Variants in GPHN observed in about 807,000 individuals in gnomAD.
The protein encoded by GPHN is gephyrin.
In GPHN, 17 loss-of-function variants were observed where a neutral mutation model predicts 95.5. That is an observed-to-expected ratio of 0.18 (90% CI 0.12 to 0.27). GPHN has a LOEUF of 0.27. GPHN is among the 10% of genes least tolerant of loss of function. The pLI is 1.00. For synonymous variants in GPHN, 320 were observed against 322.5 expected, an observed-to-expected ratio of 0.99 and a Z score of 0.08; for missense variants, 660 against 978.1, an observed-to-expected ratio of 0.67 and a Z score of 4.34.
chr14:66,564,778 T>C (rs893960116), intron 1 of GPHN, among the ~76,000 whole-genome samples: 9 of 152,156 alleles, frequency 5.9e-5, no homozygotes, highest in Admixed American at 6.6e-5. Flanking sequence ...TTCACGTGTT[T>C]GGTGGTATGC....
chr14:67,220,079 T>C, the GPHN span, among the ~76,000 whole-genome samples: 1 of 152,200 alleles, frequency 6.6e-6, no homozygotes, highest in African/African-American at 2.4e-5. Context: ...TTATATATAT[T>C]ATTTTTCTTT....
the GPHN span, among the ~76,000 whole-genome samples, chr14:67,555,181 G>A: frequency 6.6e-6 from 1 of 152,238 alleles, no homozygotes; most frequent in Non-Finnish European, 1.5e-5. Flanking sequence ...GGCTTCCAAA[G>A]TGCTGGGATT....
the GPHN span, among the ~76,000 whole-genome samples, chr14:67,420,018 T>C: frequency 6.6e-6 from 1 of 152,202 alleles, no homozygotes; most frequent in South Asian, 2.1e-4. Context: ...AATCTCTCAC[T>C]TCCAGGTGGT....
the GPHN span, chr14:67,382,659 A>G: frequency 1.3e-6 from 2 of 1,562,982 alleles, no homozygotes; most frequent in Non-Finnish European, 1.8e-6. Flanking sequence ...GTAGGTAAAT[A>G]AGAGCTGTCG....
the GPHN span, among the ~76,000 whole-genome samples, chr14:67,519,763 C>T: frequency 6.6e-6 from 1 of 150,518 alleles, no homozygotes; most frequent in Non-Finnish European, 1.5e-5. Context: ...CGTTCTGTTG[C>T]CCAGCCTGGA....
chr14:67,340,789 TCA>T, the GPHN span, among the ~76,000 whole-genome samples: 1 of 152,160 alleles, frequency 6.6e-6, no homozygotes, highest in South Asian at 2.1e-4. Context: ...TTCTCCTGCC[TCA>T]GCCTGCCGAG....
At chr14:66,857,801 T>C (rs1206700130) in intron 4 of GPHN, among the ~76,000 whole-genome samples, 1 of 152,134 alleles carries the variant, frequency 6.6e-6, no homozygotes, top group Non-Finnish European at 1.5e-5. Context: ...CCCTCCCCAG[T>C]CATACCCCAG....
the GPHN span, among the ~76,000 whole-genome samples, chr14:67,410,182 C>T: frequency 4.3e-4 from 66 of 152,236 alleles, no homozygotes; most frequent in African/African-American, 1.4e-3. Flanking sequence ...CTCTGTGGCT[C>T]TGCCCTTAGC....
At chr14:67,104,220 C>T (rs1331127302) in intron 13 of GPHN, among the ~76,000 whole-genome samples, 1 of 152,200 alleles carries the variant, frequency 6.6e-6, no homozygotes, top group Non-Finnish European at 1.5e-5. Flanking sequence ...GTAAATCCCA[C>T]TTGATCATGG....
At chr14:66,597,867 G>A (rs1887674687) in intron 1 of GPHN, among the ~76,000 whole-genome samples, 1 of 152,194 alleles carries the variant, frequency 6.6e-6, no homozygotes, top group Admixed American at 6.5e-5. Flanking sequence ...TAGCCAAGAT[G>A]TGGAATCAAT....
chr14:66,793,272 A>G (rs1181872986), intron 3 of GPHN, among the ~76,000 whole-genome samples: 1 of 152,266 alleles, frequency 6.6e-6, no homozygotes, highest in Admixed American at 6.5e-5. Flanking sequence ...AATTTAAAAA[A>G]CAATACATGT....
the GPHN span, chr14:67,582,038 G>T: frequency 6.3e-7 from 1 of 1,593,048 alleles, no homozygotes; most frequent in South Asian, 1.1e-5. This position sits in a 1 kb window ranked among gnomAD's most constrained non-coding sequence, Gnocchi z 5.0. Flanking sequence ...AATCCCTGCT[G>T]AGTCCTGGTT....
the GPHN span, among the ~76,000 whole-genome samples, chr14:67,699,353 G>A: frequency 2.0e-5 from 3 of 151,830 alleles, no homozygotes; most frequent in Admixed American, 6.6e-5. Flanking sequence ...CCAGAAGTTC[G>A]AGACCAGCCT....
intron 1 of GPHN, among the ~76,000 whole-genome samples, chr14:66,588,717 G>T (rs2061520508): frequency 6.6e-6 from 1 of 152,250 alleles, no homozygotes; most frequent in East Asian, 1.9e-4. Flanking sequence ...AAGCCTCCAA[G>T]AAATATGGGA....
At chr14:67,588,559 A>C in the GPHN span, 1 of 152,096 alleles carries the variant, frequency 6.6e-6, no homozygotes, top group East Asian at 1.9e-4. Context: ...CTTCTGATTG[A>C]GTGCAGAGGA....
chr14:67,695,694 G>A, the GPHN span: 4 of 1,614,166 alleles, frequency 2.5e-6, no homozygotes, highest in Non-Finnish European at 3.4e-6. Context: ...GGGAACATGA[G>A]CTCAACCATC....
At chr14:67,273,085 C>G in the GPHN span, among the ~76,000 whole-genome samples, 1 of 151,592 alleles carries the variant, frequency 6.6e-6, no homozygotes, top group Non-Finnish European at 1.5e-5. Context: ...TTCAGTCAGC[C>G]CTCTATGCTT....
intron 4 of GPHN, among the ~76,000 whole-genome samples, chr14:66,871,358 C>T (rs2063427031): frequency 6.6e-6 from 1 of 152,074 alleles, no homozygotes; most frequent in African/African-American, 2.4e-5. Flanking sequence ...ATGTGAAGCC[C>T]CGAATTCATG....
At chr14:66,981,381 A>G (rs1324279356) in intron 9 of GPHN, among the ~76,000 whole-genome samples, 3 of 152,150 alleles carry the variant, frequency 2.0e-5, no homozygotes, top group South Asian at 2.1e-4. Context: ...ATATAATATT[A>G]TAGTGAAGTG....
Sources: allele counts gnomAD v4.1 joint callset (sites outside exome capture counted in the v4.1 genomes callset), GRCh38; gene constraint gnomAD v4.1.1; non-coding constraint Gnocchi (gnomAD v3.1); transcripts MANE v1.5; gene names NCBI Gene and HGNC (gene_info 2026-07-23, HGNC 2026-07-21).